The following TEPSIN variants were observed in gnomAD, a reference collection of about 807,000 sequenced individuals.
TEPSIN encodes AP-4 complex accessory subunit tepsin.
Under a neutral mutation model 48.5 loss-of-function variants are expected in TEPSIN, and 50 were observed. The ratio of observed to expected loss-of-function variants is 1.03; its 90% confidence interval spans 0.82 to 1.31. The LOEUF is 1.31. Ranked by LOEUF, TEPSIN falls within the 50% of genes most tolerant of loss-of-function variation. TEPSIN has a pLI of 0.00. For missense variants in TEPSIN, 838 were observed against 815.9 expected (o/e 1.03, Z -0.33); for synonymous variants, 392 against 358.8 (o/e 1.09, Z -1.05).
At position 81,232,031 on chromosome 17, in the gene TEPSIN, ACAGGACAGCCGGTGAGATCCCTGGGGCTT is replaced by A. The variant is rs1296158347; in HGVS notation, c.731-39_731-11del. On this transcript the variant is annotated splice_polypyrimidine_tract_variant and intron_variant, in intron 8 of 12. Coordinates refer to ENST00000637944, the MANE Select transcript of TEPSIN (RefSeq NM_001363764.2). ...GGCTGATGCCTCACAGCTGGAGGAA[ACAGGACAGCCGGTGAGATCCCTGGGGCTT>A]CAGGCCAGCCCCATGCCCACCTCCC... 3 of 1,604,094 alleles carry A rather than the reference ACAGGACAGCCGGTGAGATCCCTGGGGCTT, an allele frequency of 1.9e-6. No homozygotes were observed. The highest frequency in any genetic ancestry group is 1.7e-6 in the Non-Finnish European group (2 of 1,178,534).
intron 8 of TEPSIN, 73 bp from the exon 9 acceptor site, chr17:81,232,094 G>A: frequency 6.5e-7 from 1 of 1,530,746 alleles, no homozygotes; most frequent in South Asian, 1.2e-5. Context: ...CCGGGGCCCT[G>A]GACCAGGAGG....
intron 7 of TEPSIN, 69 bp from the exon 8 acceptor site, chr17:81,232,587 G>C (rs147152395): frequency 1.7e-5 from 24 of 1,418,224 alleles, no homozygotes; most frequent in South Asian, 1.2e-4. Context: ...CTGGGAGCAG[G>C]GTGCCCGCAT....
intron 4 of TEPSIN, 168 bp downstream of exon 4, chr17:81,236,540 G>A: frequency 1.4e-6 from 1 of 731,118 alleles, no homozygotes; most frequent in East Asian, 2.7e-5. Flanking sequence ...TGGGCAGCAG[G>A]TGGAGAGGCC....
intron 12 of TEPSIN, chr17:81,229,893 C>G (rs999608729): frequency 9.1e-6 from 2 of 220,038 alleles, no homozygotes; most frequent in African/African-American, 2.3e-5. Flanking sequence ...TGCGGTGGTG[C>G]GAACCCCAGG....
intron 7 of TEPSIN, chr17:81,232,993 G>T: frequency 8.2e-6 from 2 of 244,112 alleles, no homozygotes; most frequent in Non-Finnish European, 1.6e-5. Context: ...GGCACAGCTG[G>T]GCTGGGGGCT....
Position 81,229,221 on chromosome 17 carries a change from CG to C in TEPSIN, c.1488del (p.Gly497GlufsTer95). 2 of 775,798 alleles carry C rather than the reference CG, an allele frequency of 2.6e-6. No homozygotes were observed. Among genetic ancestry groups the C allele is most frequent in the Non-Finnish European group, 3.4e-6 (2 of 591,712 alleles). The allele number at this position is 775,798 out of a possible 1,614,324, so 48.1% of individuals were successfully genotyped here. Reference protein sequence around the residue: ...PPPDASPIPAPGDPSEAEARL... With the variant: ...PPPDASPIPAXGDPSEAEARL... ...CTGGCCTCGGCCTCGCTGGGGTCTC[CG>C]GGGGCTGGAATGGGGGAGGCATCTG... On this transcript the variant is annotated frameshift_variant, in exon 13 of 13. Transcript: ENST00000637944. LOFTEE classifies it low-confidence loss of function (END_TRUNC).
Position 81,229,069 on chromosome 17 carries a change from A to C in TEPSIN, c.1641T>G (p.Cys547Trp). Residue 547 changes from cysteine (C) to tryptophan (W), a missense_variant, in exon 13 of 13, where the codon TGT becomes TGG. Cys to Trp is a radical substitution (Grantham distance 215). Transcript: ENST00000637944. Reference sequence around the variant, plus strand: ...CAGCCCCAGCCCCCACCAGGCGGGGACAGGCCACCAGCTCCATGCCAGCAA... The same window carrying C: ...CAGCCCCAGCCCCCACCAGGCGGGGCCAGGCCACCAGCTCCATGCCAGCAA... Reference protein sequence around the residue: ...SLFAGMELVACPRLVGAGAAA... With the variant: ...SLFAGMELVAWPRLVGAGAAA... 1.2e-6 allele frequency: 2 copies of C among 1,613,446 alleles called. No individual in the cohort carries two copies. Among genetic ancestry groups the C allele is most frequent in the Non-Finnish European group, 1.7e-6 (2 of 1,179,946 alleles).
chr17:81,232,450 G>T lies in TEPSIN; in HGVS notation c.595C>A (p.Pro199Thr). ...AAEVVASAMR[P>T]GPESPSTRRL... The stretch of plus-strand genomic sequence containing the variant: ...CGGGTACTGGGACTCTCGGGCCCGG[G>T]GCGCATGGCGCTGGCCACCACCTCT... The change falls in exon 8 of 13, where the codon CCC becomes ACC. Residue 199 changes from proline to threonine, a missense_variant. Physicochemically the swap from Pro to Thr is conservative, Grantham distance 38. Transcript: ENST00000637944. 1 of 1,535,700 alleles carries T rather than the reference G, an allele frequency of 6.5e-7. No individual in the cohort carries two copies. The highest frequency in any genetic ancestry group is 8.7e-7 in the Non-Finnish European group (1 of 1,146,698).
chr17:81,231,976 A>C lies in TEPSIN; in HGVS notation c.776T>G (p.Leu259Arg), dbSNP rs2062622980. Residue 259 changes from leucine to arginine, a missense_variant, in exon 9 of 13, where the codon CTG becomes CGG. Physicochemically the swap from Leu to Arg is moderately radical, Grantham distance 102. Transcript: ENST00000637944. Reference sequence around the variant, plus strand: ...ATTCTGAGAGCTGGGGCCGCTGTCCAGCTCATCCCAGCCCCCTCCGGCCTG... The same window carrying C: ...ATTCTGAGAGCTGGGGCCGCTGTCCCGCTCATCCCAGCCCCCTCCGGCCTG... ...PGQAGGGWDE[L>R]DSGPSSQNSS... is the part of the protein sequence containing the mutation. 1 of 1,612,572 alleles carries C rather than the reference A, an allele frequency of 6.2e-7. No individual in the cohort carries two copies. Among genetic ancestry groups the C allele is most frequent in the African/African-American group, 1.3e-5 (1 of 74,924 alleles).
At position 81,231,758 on chromosome 17, in the gene TEPSIN, G is replaced by A; in HGVS notation, c.906-67C>T. Reference sequence around the variant, plus strand: ...TGCCCCCACTCCTGTCTCGCATGGGGGAGAACCTGGAGAGCAGGAGCCGCG... The same window carrying A: ...TGCCCCCACTCCTGTCTCGCATGGGAGAGAACCTGGAGAGCAGGAGCCGCG... On this transcript the variant is annotated intron_variant, in intron 9 of 12. Coordinates refer to ENST00000637944, the MANE Select transcript of TEPSIN (RefSeq NM_001363764.2). 8.7e-6 allele frequency: 14 copies of A among 1,606,650 alleles called. No homozygotes were observed. In the South Asian group the frequency reaches 1.5e-4, roughly 18 times the overall value.
At chr17:81,236,399 G>A (rs78162025) in intron 4 of TEPSIN, among the ~76,000 whole-genome samples, 10,293 of 152,208 alleles carry the variant, frequency 0.068, 909 homozygotes, top group African/African-American at 0.21. Context: ...AAACAAACTG[G>A]CACCCGGGGC....
rs760846516 is a variant in TEPSIN, at chr17:81,228,983, G to T, written c.1727C>A (p.Ala576Glu). 4.3e-6 allele frequency: 7 copies of T among 1,613,782 alleles called. No homozygotes were observed. The East Asian group carries it at 1.6e-4, about 36-fold the overall frequency. ...RAPQTSSQRT[A>E]AKEPPGSEPS... is the part of the protein sequence containing the mutation. Reference sequence around the variant, plus strand: ...CTCTGAGCCAGGAGGCTCTTTGGCTGCTGTCCTCTGGGACGATGTTTGGGG... The same window carrying T: ...CTCTGAGCCAGGAGGCTCTTTGGCTTCTGTCCTCTGGGACGATGTTTGGGG... Residue 576 changes from alanine (A) to glutamate (E), a missense_variant, in exon 13 of 13, where the codon GCA becomes GAA. Coordinates refer to ENST00000637944, the MANE Select transcript of TEPSIN (RefSeq NM_001363764.2).
chr17:81,229,961 T>C, intron 12 of TEPSIN: 1 of 173,066 alleles, frequency 5.8e-6, no homozygotes, highest in Non-Finnish European at 1.2e-5. Context: ...CAGTTAAGGA[T>C]GACTTGGGGA....
rs1028262208 is a variant in TEPSIN, at chr17:81,233,373, C to T, written c.526+59G>A. 1.3e-6 allele frequency: 2 copies of T among 1,584,756 alleles called. No homozygotes were observed. Among genetic ancestry groups the T allele is most frequent in the Admixed American group, 1.8e-5 (1 of 56,810 alleles). Reference sequence around the variant, plus strand: ...ATGGGGCGGCATGGTCCGGCCCCCACCACCTCCTCATCCCCACACCCTGAG... The same window carrying T: ...ATGGGGCGGCATGGTCCGGCCCCCATCACCTCCTCATCCCCACACCCTGAG... On this transcript the variant is annotated intron_variant, in intron 7 of 12. Coordinates refer to ENST00000637944, the MANE Select transcript of TEPSIN (RefSeq NM_001363764.2). The surrounding 1 kb of genome is among the most constrained non-coding windows in gnomAD (Gnocchi z 5.8).
intron 4 of TEPSIN, among the ~76,000 whole-genome samples, chr17:81,235,236 G>A (rs1259102568): frequency 6.6e-6 from 1 of 152,196 alleles, no homozygotes; most frequent in African/African-American, 2.4e-5. Flanking sequence ...CAATCGGCTG[G>A]GGGTGCCTCT....
chr17:81,234,278 C>T lies in TEPSIN; in HGVS notation c.308-230G>A. On this transcript the variant is annotated intron_variant, in intron 4 of 12. Coordinates refer to ENST00000637944, the MANE Select transcript of TEPSIN (RefSeq NM_001363764.2). The surrounding 1 kb of genome is among the most constrained non-coding windows in gnomAD (Gnocchi z 5.4). ...AGAGGCGAGACTCTCTCCACAGCAA[C>T]CACCTCGTCTCCCCCAGGGTCGGCA... is the stretch of plus-strand genomic sequence containing the variant. 2.4e-6 allele frequency: 1 copy of T among 411,706 alleles called. No individual in the cohort carries two copies. Among genetic ancestry groups the T allele is most frequent in the Non-Finnish European group, 4.3e-6 (1 of 232,892 alleles). 25.5% of individuals were successfully genotyped at this position (411,706 alleles called of 1,614,324 possible).
Position 81,233,679 on chromosome 17 carries a change from G to T in TEPSIN, c.413C>A (p.Pro138Gln). 6.2e-7 allele frequency: 1 copy of T among 1,600,380 alleles called. No individual in the cohort carries two copies. The change falls in exon 6 of 13, where the codon CCG (proline) becomes CAG (glutamine). Residue 138 changes from proline to glutamine, a missense_variant. Transcript: ENST00000637944. This position sits in a 1 kb window ranked among gnomAD's most constrained non-coding sequence, Gnocchi z 5.8. ...CCCCAGAGGCTGGGAGGGAGCCAGC[G>T]GCAACACGGTGTCCGAGAACAGGGT... ...GSTLFSDTVL[P>Q]LAPSQPLGTP...
Position 81,230,609 on chromosome 17 carries a change from T to G in TEPSIN, c.1168A>C (p.Thr390Pro). Residue 390 changes from threonine (T) to proline (P), a missense_variant, in exon 12 of 13, where the codon ACC (threonine) becomes CCC (proline). Thr to Pro is a conservative substitution (Grantham distance 38, BLOSUM62 -1). Coordinates refer to ENST00000637944, the MANE Select transcript of TEPSIN (RefSeq NM_001363764.2). This position sits in a 1 kb window ranked among gnomAD's most constrained non-coding sequence, Gnocchi z 4.2. Reference sequence around the variant, plus strand: ...CTGAGCTCCTGCAGCCACGGCCGGGTGCGGAGGAGGATGTGCTCCTGGGGG... The same window carrying G: ...CTGAGCTCCTGCAGCCACGGCCGGGGGCGGAGGAGGATGTGCTCCTGGGGG... Reference protein sequence around the residue: ...LLPQEHILLRTRPWLQELSMG... With the variant: ...LLPQEHILLRPRPWLQELSMG... 1 of 1,607,656 alleles carries G rather than the reference T, an allele frequency of 6.2e-7. No homozygotes were observed. Among genetic ancestry groups the G allele is most frequent in the Non-Finnish European group, 8.5e-7 (1 of 1,177,176 alleles).
chr17:81,238,855 G>A, intron 1 of TEPSIN, 131 bp downstream of exon 1: 1 of 1,352,310 alleles, frequency 7.4e-7, no homozygotes, highest in Non-Finnish European at 9.5e-7. Flanking sequence ...GTCGGCGCGG[G>A]CGAAGGGGCC....
Sources: allele counts gnomAD v4.1 joint callset (sites outside exome capture counted in the v4.1 genomes callset), GRCh38; gene constraint gnomAD v4.1.1; non-coding constraint Gnocchi (gnomAD v3.1); transcripts MANE v1.5; gene names NCBI Gene and HGNC (gene_info 2026-07-23, HGNC 2026-07-21).